NPFFR2: variants seen among roughly 807,000 people sequenced by gnomAD.
NPFFR2 encodes G-protein coupled receptor 74.
A neutral mutation model predicts 13.1 loss-of-function variants in NPFFR2; 15 were observed. The ratio of observed to expected loss-of-function variants is 1.15; its 90% confidence interval spans 0.77 to 1.76. The LOEUF is 1.76. Ranked by LOEUF, NPFFR2 falls within the 40% of genes most tolerant of loss-of-function variation. The pLI, the probability that NPFFR2 is intolerant of heterozygous loss-of-function variation, is 0.00. For missense variants in NPFFR2, 572 were observed against 503.5 expected, an observed-to-expected ratio of 1.14 and a Z score of -1.30; for synonymous variants, 190 against 175.7, an observed-to-expected ratio of 1.08 and a Z score of -0.65.
chr4:72,074,210 A>T (rs961810873), intron 1 of NPFFR2, among the ~76,000 whole-genome samples: 1 of 152,082 alleles, frequency 6.6e-6, no homozygotes, highest in Non-Finnish European at 1.5e-5. Flanking sequence ...ATCCAGGTAA[A>T]GATTTCATCC....
intron 1 of NPFFR2, among the ~76,000 whole-genome samples, chr4:72,127,575 G>A (rs58506643): frequency 2.0e-5 from 3 of 148,430 alleles, no homozygotes; most frequent in African/African-American, 7.5e-5. Flanking sequence ...GTGTTAGCCA[G>A]GATGGTCTCG....
chr4:72,101,126 G>A (rs2109810036), intron 1 of NPFFR2, among the ~76,000 whole-genome samples: 1 of 152,008 alleles, frequency 6.6e-6, no homozygotes, highest in East Asian at 1.9e-4. Context: ...ATTACGTTAA[G>A]AAACAAAACA....
intron 1 of NPFFR2, among the ~76,000 whole-genome samples, chr4:72,065,578 T>C (rs933238389): frequency 6.6e-6 from 1 of 152,210 alleles, no homozygotes; most frequent in Non-Finnish European, 1.5e-5. Flanking sequence ...ATTATACAAA[T>C]TGACCCAAGG....
Position 72,147,790 on chromosome 4 carries a change from C to T in NPFFR2, c.1241C>T (p.Thr414Ile), listed in dbSNP as rs1471486594. ...QELVMEELKE[T>I]TNSSEI is the part of the protein sequence containing the mutation. The stretch of plus-strand genomic sequence containing the variant: ...TTAGTGATGGAAGAATTAAAAGAAA[C>T]TACTAACAGCAGTGAGATTTAAAAA... The change falls in exon 4 of 4, where the codon ACT becomes ATT. Residue 414 changes from threonine to isoleucine, a missense_variant. By Grantham distance (89) the Thr-to-Ile change is moderately conservative. Transcript: ENST00000308744. The T allele has an allele frequency of 2.5e-6, 4 of 1,577,582 alleles. No individual in the cohort carries two copies. Among genetic ancestry groups the T allele is most frequent in the Middle Eastern group, 1.7e-4 (1 of 5,876 alleles).
At chr4:72,035,411 T>C (rs1349918899) in intron 1 of NPFFR2, among the ~76,000 whole-genome samples, 2 of 152,220 alleles carry the variant, frequency 1.3e-5, no homozygotes, top group Non-Finnish European at 2.9e-5. Context: ...GTATAGTTTC[T>C]ATAGTATTCA....
chr4:72,085,646 A>C (rs1720746021), intron 1 of NPFFR2, among the ~76,000 whole-genome samples: 1 of 152,132 alleles, frequency 6.6e-6, no homozygotes, highest in South Asian at 2.1e-4. Flanking sequence ...AAGGAGGACA[A>C]CTAAATTATG....
chr4:72,109,307 A>C (rs62320810), intron 1 of NPFFR2, among the ~76,000 whole-genome samples: 14,580 of 151,970 alleles, frequency 0.096, 995 homozygotes, highest in Non-Finnish European at 0.14. Flanking sequence ...CCCTCCTTTT[A>C]ACTTTTGGTA....
intron 3 of NPFFR2, among the ~76,000 whole-genome samples, chr4:72,144,776 A>T (rs1417589257): frequency 9.2e-5 from 14 of 152,142 alleles, no homozygotes; most frequent in Admixed American, 8.5e-4. Flanking sequence ...TTCAAACAAA[A>T]AACCTGAGCT....
chr4:72,111,868 C>T (rs1721576643), intron 1 of NPFFR2, among the ~76,000 whole-genome samples: 1 of 152,064 alleles, frequency 6.6e-6, no homozygotes, highest in African/African-American at 2.4e-5. Context: ...GTCCCCCCAA[C>T]ATGGCATCTC....
At chr4:72,084,869 G>A (rs1211291642) in intron 1 of NPFFR2, among the ~76,000 whole-genome samples, 1 of 151,990 alleles carries the variant, frequency 6.6e-6, no homozygotes, top group Non-Finnish European at 1.5e-5. Context: ...CTGGAAAACT[G>A]GACTTTATTG....
chr4:72,101,307 T>C (rs1721240778), intron 1 of NPFFR2, among the ~76,000 whole-genome samples: 1 of 151,714 alleles, frequency 6.6e-6, no homozygotes, highest in African/African-American at 2.4e-5. Context: ...CCAAGAAAAA[T>C]CAAAATAAAC....
intron 1 of NPFFR2, among the ~76,000 whole-genome samples, chr4:72,128,187 A>G (rs1722124614): frequency 6.6e-6 from 1 of 152,220 alleles, no homozygotes; most frequent in Admixed American, 6.5e-5. Flanking sequence ...TCTTCAGATT[A>G]TCAGGAAAGC....
intron 3 of NPFFR2, chr4:72,146,449 AGATAATGCGTAGGG>A (rs1406258866): frequency 6.6e-6 from 1 of 152,508 alleles, no homozygotes; most frequent in African/African-American, 2.4e-5. Context: ...CAAGTTACAC[AGATAATGCGTAGGG>A]GACCACACAA....
intron 1 of NPFFR2, among the ~76,000 whole-genome samples, chr4:72,127,854 T>C (rs1429352664): frequency 6.6e-6 from 1 of 151,740 alleles, no homozygotes; most frequent in Non-Finnish European, 1.5e-5. Context: ...CTAAGGTGGG[T>C]GGATCACTCG....
At chr4:72,035,838 A>AG (rs1337431646) in intron 1 of NPFFR2, among the ~76,000 whole-genome samples, 1 of 152,112 alleles carries the variant, frequency 6.6e-6, no homozygotes, top group East Asian at 1.9e-4. Flanking sequence ...GGGCTATTGT[A>AG]AGAGTCTCAT....
At chr4:72,098,217 G>A (rs1194263924) in intron 1 of NPFFR2, among the ~76,000 whole-genome samples, 3 of 152,102 alleles carry the variant, frequency 2.0e-5, no homozygotes. Flanking sequence ...AGCATATAAC[G>A]TACTGTGTTA....
chr4:72,048,128 A>G (rs1018268905), intron 1 of NPFFR2, among the ~76,000 whole-genome samples: 20 of 152,094 alleles, frequency 1.3e-4, no homozygotes, highest in Admixed American at 7.2e-4. Context: ...CCATATATAT[A>G]TACACACGTA....
At position 72,146,527 on chromosome 4, in the gene NPFFR2, G is replaced by A. The variant is rs565250768; in HGVS notation, c.429-451G>A. On this transcript the variant is annotated intron_variant, in intron 3 of 3. Coordinates refer to ENST00000308744, the MANE Select transcript of NPFFR2 (RefSeq NM_004885.3). ...TGCTACAGATCAGCAGTCTACCACA[G>A]CCTAAGAGCTACCCATCTAAAGAGG... 41 of 164,120 alleles carry A rather than the reference G, an allele frequency of 2.5e-4. No individual in the cohort carries two copies. The South Asian group carries it at 6.5e-3, about 26-fold the overall frequency. 10.2% of individuals were successfully genotyped at this position (164,120 alleles called of 1,614,324 possible).
chr4:72,099,449 G>A (rs1278353611), intron 1 of NPFFR2, among the ~76,000 whole-genome samples: 2 of 152,128 alleles, frequency 1.3e-5, no homozygotes, highest in Non-Finnish European at 2.9e-5. Context: ...TTGGCTCAGG[G>A]TTCTGCAGGC....
Sources: allele counts gnomAD v4.1 joint callset (sites outside exome capture counted in the v4.1 genomes callset), GRCh38; gene constraint gnomAD v4.1.1; transcripts MANE v1.5; gene names NCBI Gene and HGNC (gene_info 2026-07-23, HGNC 2026-07-21).